Variants in TNKS observed in about 807,000 individuals in gnomAD.
TNKS encodes the protein poly [ADP-ribose] polymerase tankyrase-1.
In TNKS, 72 loss-of-function variants were observed where a neutral mutation model predicts 135.8. That is an observed-to-expected ratio of 0.53 (90% confidence interval 0.44 to 0.64). The LOEUF (loss-of-function observed/expected upper bound fraction) is 0.64, where lower values mean the gene tolerates loss of function less well. Ranked by LOEUF, TNKS falls within the 30% of genes least tolerant of loss-of-function variation. The pLI, the probability that TNKS is intolerant of heterozygous loss-of-function variation, is 0.00. For missense variants in TNKS, 1,769 were observed against 1,674.0 expected (o/e 1.06, Z -0.99); for synonymous variants, 849 against 649.3 (o/e 1.31, Z -4.68).
At position 9,643,164 on chromosome 8, in the gene TNKS, G is replaced by A. The variant is rs1005951473; in HGVS notation, c.994+27487G>A. On this transcript the variant is annotated intron_variant, in intron 3 of 26. Transcript: ENST00000310430. ...TTGGAAAGAAATACATAAGAACTTC[G>A]GCAGTGCCACCTTGCACCCATTAGG... Among the ~76,000 whole-genome samples the A allele has an allele frequency of 4.8e-5, 7 of 146,046 alleles. 1 individual carries two copies. The highest frequency in any genetic ancestry group is 7.5e-5 in the Non-Finnish European group (5 of 66,604).
intron 3 of TNKS, among the ~76,000 whole-genome samples, chr8:9,646,432 G>C (rs994606104): frequency 4.6e-5 from 7 of 151,870 alleles, no homozygotes; most frequent in Non-Finnish European, 7.4e-5. Flanking sequence ...ATAGAAATCT[G>C]TTTCACATCT....
chr8:9,650,377 C>T (rs890931404), intron 3 of TNKS, among the ~76,000 whole-genome samples: 2 of 152,148 alleles, frequency 1.3e-5, no homozygotes, highest in African/African-American at 4.8e-5. Flanking sequence ...TGTGTTTTTA[C>T]TTCTTTTAGT....
At chr8:9,570,883 C>G (rs1215600408) in intron 1 of TNKS, among the ~76,000 whole-genome samples, 1 of 152,170 alleles carries the variant, frequency 6.6e-6, no homozygotes, top group Non-Finnish European at 1.5e-5. Flanking sequence ...GTGGGAGAAT[C>G]ACTTGAGCAC....
In TNKS at chr8:9,649,878, C is replaced by CTTTTTTTTTT. The variant is rs71201959; in HGVS notation, c.995-30053_995-30044dup. ...CACAGTTCTTTCTTTCTTTTCTTTT[C>CTTTTTTTTTT]TTTTTTTTTTTTTTTTTTTTTTTTT... On this transcript the variant is annotated intron_variant, in intron 3 of 26. Transcript: ENST00000310430. Among the ~76,000 whole-genome samples the CTTTTTTTTTT allele has an allele frequency of 9.2e-4, 77 of 83,380 alleles. 1 individual carries two copies. Among genetic ancestry groups the CTTTTTTTTTT allele is most frequent in the African/African-American group, 3.4e-3 (63 of 18,790 alleles). The allele number at this position is 83,380 out of a possible 152,430, so 54.7% of individuals were successfully genotyped here. A position where few individuals can be genotyped will look rare whatever the true frequency, so the allele number is the denominator to read the frequency against.
intron 5 of TNKS, among the ~76,000 whole-genome samples, chr8:9,700,737 T>C (rs1803758989): frequency 1.3e-5 from 2 of 152,124 alleles, no homozygotes; most frequent in South Asian, 4.1e-4. Flanking sequence ...TTTTGAAAAC[T>C]CACCCTTCAA....
chr8:9,605,954 C>A (rs1454371032), intron 2 of TNKS, among the ~76,000 whole-genome samples: 1 of 151,860 alleles, frequency 6.6e-6, no homozygotes, highest in East Asian at 1.9e-4. Flanking sequence ...TGATAAAACA[C>A]AGTTTATTGG....
chr8:9,563,912 T>A (rs1797428575), intron 1 of TNKS, among the ~76,000 whole-genome samples: 1 of 152,180 alleles, frequency 6.6e-6, no homozygotes, highest in African/African-American at 2.4e-5. Context: ...ACTAAATAAT[T>A]TCAAGGATAA....
intron 1 of TNKS, among the ~76,000 whole-genome samples, chr8:9,559,113 A>G (rs182643251): frequency 3.3e-5 from 5 of 152,304 alleles, no homozygotes; most frequent in African/African-American, 1.2e-4. Flanking sequence ...CAATTGTGTA[A>G]TGGCAAGCAG....
chr8:9,736,051 G>T (rs1805684872), intron 17 of TNKS, among the ~76,000 whole-genome samples: 1 of 146,672 alleles, frequency 6.8e-6, no homozygotes, highest in Non-Finnish European at 1.5e-5. Context: ...GCATGTAATG[G>T]GTGCTCAGTT....
intron 11 of TNKS, among the ~76,000 whole-genome samples, chr8:9,711,755 A>C (rs1213288725): frequency 1.3e-5 from 2 of 152,350 alleles, no homozygotes; most frequent in East Asian, 3.9e-4. Flanking sequence ...CTGCTTTTTT[A>C]AAAGAAACTT....
intron 2 of TNKS, among the ~76,000 whole-genome samples, chr8:9,601,126 A>T (rs956650668): frequency 1.2e-4 from 18 of 152,216 alleles, no homozygotes; most frequent in African/African-American, 4.3e-4. Flanking sequence ...TATATGTAAT[A>T]AATACTAAAA....
intron 1 of TNKS, among the ~76,000 whole-genome samples, chr8:9,579,148 ACTGTGATACTT>A (rs1257696731): frequency 3.9e-5 from 6 of 152,130 alleles, no homozygotes; most frequent in African/African-American, 1.2e-4. Flanking sequence ...TTGTCTGAAA[ACTGTGATACTT>A]CTTATAAAAT....
chr8:9,706,734 AG>A, intron 7 of TNKS, 76 bp from the exon 8 acceptor site: 1 of 1,375,026 alleles, frequency 7.3e-7, no homozygotes, highest in Admixed American at 2.6e-5. Flanking sequence ...AAATTTACAA[AG>A]AAATAAATGT....
intron 2 of TNKS, among the ~76,000 whole-genome samples, chr8:9,612,601 A>G (rs1225100405): frequency 6.6e-6 from 1 of 152,158 alleles, no homozygotes; most frequent in Non-Finnish European, 1.5e-5. Flanking sequence ...AAATTTTATA[A>G]AATTTAAGTT....
At chr8:9,771,295 G>GCAA (rs1451880289) in intron 26 of TNKS, among the ~76,000 whole-genome samples, 5 of 137,012 alleles carry the variant, frequency 3.6e-5, no homozygotes, top group Admixed American at 7.3e-5. Flanking sequence ...AAGGGAGGGA[G>GCAA]GAGAGAGGAA....
At chr8:9,652,239 C>G (rs1801173381) in intron 3 of TNKS, among the ~76,000 whole-genome samples, 1 of 152,142 alleles carries the variant, frequency 6.6e-6, no homozygotes, top group Non-Finnish European at 1.5e-5. Flanking sequence ...AGGTTCTTCT[C>G]TGTAATGAGG....
intron 3 of TNKS, among the ~76,000 whole-genome samples, chr8:9,626,697 C>T (rs1675524167): frequency 6.6e-6 from 1 of 152,184 alleles, no homozygotes; most frequent in East Asian, 1.9e-4. Flanking sequence ...TGCCACCTTA[C>T]AGTCAGTTGT....
At chr8:9,646,896 A>G (rs73202870) in intron 3 of TNKS, among the ~76,000 whole-genome samples, 1,992 of 152,284 alleles carry the variant, frequency 0.013, 21 homozygotes, top group Middle Eastern at 0.041. Flanking sequence ...GAGCACTATT[A>G]TGCGACTTTA....
At chr8:9,717,562 T>G (rs1400253904) in intron 11 of TNKS, among the ~76,000 whole-genome samples, 1 of 152,142 alleles carries the variant, frequency 6.6e-6, no homozygotes, top group African/African-American at 2.4e-5. Context: ...TACAGAACAG[T>G]ATGTCAAAAG....
Sources: allele counts gnomAD v4.1 joint callset (sites outside exome capture counted in the v4.1 genomes callset), GRCh38; gene constraint gnomAD v4.1.1; transcripts MANE v1.5; gene names NCBI Gene and HGNC (gene_info 2026-07-23, HGNC 2026-07-21).